Variants in FBN3 observed in about 807,000 individuals in gnomAD.
The protein encoded by FBN3 is fibrillin 3.
FBN3 carries 234 observed loss-of-function variants against 330.1 expected under a neutral mutation model. The observed-to-expected ratio is 0.71, with a 90% CI of 0.64 to 0.79. The LOEUF (loss-of-function observed/expected upper bound fraction) is 0.79, where lower values mean the gene tolerates loss of function less well. Ranked by LOEUF, FBN3 falls within the 30% of genes least tolerant of loss-of-function variation. The pLI is 0.00. For synonymous variants in FBN3, 1,458 were observed against 1,517.3 expected (o/e 0.96, Z 0.91); for missense variants, 3,606 against 3,886.9 (o/e 0.93, Z 1.92).
At chr19:8,106,076 C>G (rs201004099) in intron 38 of FBN3, 32 bp downstream of exon 38, 9 of 1,612,540 alleles carry the variant, frequency 5.6e-6, no homozygotes, top group Non-Finnish European at 7.6e-6. Context: ...AGCGGAAGAG[C>G]CTGACCCACC....
intron 18 of FBN3, among the ~76,000 whole-genome samples, chr19:8,127,775 G>A (rs62123266): frequency 0.073 from 11,117 of 152,300 alleles, 508 homozygotes; most frequent in Non-Finnish European, 0.1. Flanking sequence ...CTGAGGTCAG[G>A]AGTTCGAGAC....
At chr19:8,134,512 C>T (rs1313142652) in intron 13 of FBN3, among the ~76,000 whole-genome samples, 3 of 152,128 alleles carry the variant, frequency 2.0e-5, no homozygotes, top group East Asian at 1.9e-4. Flanking sequence ...CCCCAGGGCC[C>T]CTCCCTGGGG....
Position 8,065,945 on chromosome 19 carries a change from G to T in FBN3, c.8404C>A (p.Leu2802Met). 2 of 1,597,602 alleles carry T rather than the reference G, an allele frequency of 1.3e-6. No homozygotes were observed. The highest frequency in any genetic ancestry group is 2.2e-5 in the South Asian group (2 of 89,870). The change falls in exon 64 of 64, where the codon CTG becomes ATG. Residue 2802 changes from leucine (L) to methionine (M), a missense_variant. Leu to Met is a conservative substitution (Grantham distance 15). Coordinates refer to ENST00000600128, the MANE Select transcript of FBN3 (RefSeq NM_032447.5). ...QPGPWGQALR[L>M]KVQLQLL ...TAAAGCAACTGCAGCTGCACCTTCAGCCTCAAGGCCTGGCCCCATGGCCCT... is the reference window on the plus strand; with the variant it reads ...TAAAGCAACTGCAGCTGCACCTTCATCCTCAAGGCCTGGCCCCATGGCCCT...
intron 41 of FBN3, among the ~76,000 whole-genome samples, chr19:8,098,412 C>T (rs11260053): frequency 0.45 from 61,177 of 136,980 alleles, 14,601 homozygotes; most frequent in East Asian, 0.77. Context: ...ACAACCTAAA[C>T]AGGCATCAGT....
At position 8,072,042 on chromosome 19, in the gene FBN3, T is replaced by C. The variant is rs759860408; in HGVS notation, c.8088+6A>G. ...CCACCCCTGCCTAGTGCAGCACCCATGTCACCTGGTGGTCCCTGTGGGCAC... is the reference window on the plus strand; with the variant it reads ...CCACCCCTGCCTAGTGCAGCACCCACGTCACCTGGTGGTCCCTGTGGGCAC... On this transcript the variant is annotated splice_donor_region_variant and intron_variant, in intron 63 of 63. Coordinates refer to ENST00000600128, the MANE Select transcript of FBN3 (RefSeq NM_032447.5). 1.2e-6 allele frequency: 2 copies of C among 1,610,684 alleles called. No homozygotes were observed. The highest frequency in any genetic ancestry group is 3.3e-5 in the Admixed American group (2 of 59,870).
chr19:8,088,217 G>T, intron 51 of FBN3, 38 bp from the exon 52 acceptor site: 1 of 1,552,594 alleles, frequency 6.4e-7, no homozygotes, highest in Non-Finnish European at 8.7e-7. Flanking sequence ...ACCTGCAGAG[G>T]GTCCCCCATC....
At position 8,079,645 on chromosome 19, in the gene FBN3, C is replaced by T. The variant is rs149269372; in HGVS notation, c.7453+1358G>A. Among the ~76,000 whole-genome samples, 24 of 152,232 alleles carry T rather than the reference C, an allele frequency of 1.6e-4. No homozygotes were observed. The East Asian group carries it at 3.7e-3, about 23-fold the overall frequency. ...GACAGAGTCTTGCTGTGTCTGAGTG[C>T]ACTGGCACGATCTCGGCTCACTGCA... On this transcript the variant is annotated intron_variant, in intron 59 of 63. Coordinates refer to ENST00000600128, the MANE Select transcript of FBN3 (RefSeq NM_032447.5).
chr19:8,135,999 G>C lies in FBN3; in HGVS notation c.1553C>G (p.Ala518Gly). The C allele has an allele frequency of 7.0e-7, 1 of 1,420,236 alleles. No homozygotes were observed. The highest frequency in any genetic ancestry group is 9.4e-7 in the Non-Finnish European group (1 of 1,064,370). The allele number at this position is 1,420,236 out of a possible 1,614,324, so 88.0% of individuals were successfully genotyped here. ...TEGSFQCVCN[A>G]GFELSPDGKN... Reference sequence around the variant, plus strand: ...GCCGTCAGGGCTGAGCTCGAAGCCTGCATTGCAGACACACTGGAAGCTGCC... The same window carrying C: ...GCCGTCAGGGCTGAGCTCGAAGCCTCCATTGCAGACACACTGGAAGCTGCC... Residue 518 changes from alanine (A) to glycine (G), a missense_variant, in exon 13 of 64, where the codon GCA (alanine) becomes GGA (glycine). Coordinates refer to ENST00000600128, the MANE Select transcript of FBN3 (RefSeq NM_032447.5).
intron 25 of FBN3, among the ~76,000 whole-genome samples, chr19:8,119,545 G>T (rs915279878): frequency 6.6e-6 from 1 of 151,990 alleles, no homozygotes; most frequent in Admixed American, 6.6e-5. Flanking sequence ...ATGGAGTCTC[G>T]CTCTGTTGCC....
intron 13 of FBN3, 25 bp downstream of exon 13, chr19:8,135,936 G>GGCACCCCCCCCCCCCCCC: frequency 1.5e-6 from 1 of 668,778 alleles, no homozygotes; most frequent in Non-Finnish European, 2.4e-6. Context: ...GGAAGCCCCT[G>GGCACCCCCCCCCCCCCCC]CCCACCCGCC....
Position 8,087,903 on chromosome 19 carries a change from A to G in FBN3, c.6541T>C (p.Cys2181Arg). The change falls in exon 53 of 64, where the codon TGC becomes CGC. Residue 2181 changes from cysteine to arginine, a missense_variant. Cys to Arg is a radical substitution (Grantham distance 180). Transcript: ENST00000600128. ...AGGTAGGAGCCCTCGGTATTGTGGC[A>G]GCGGAAGGCACAGAGCAGCGGGTTC... ...SLNPLLCAFR[C>R]HNTEGSYLCT... The G allele has an allele frequency of 2.5e-6, 4 of 1,614,102 alleles. No individual in the cohort carries two copies. The highest frequency in any genetic ancestry group is 3.4e-6 in the Non-Finnish European group (4 of 1,180,008).
At chr19:8,077,987 G>A (rs1405347472) in intron 59 of FBN3, among the ~76,000 whole-genome samples, 2 of 151,714 alleles carry the variant, frequency 1.3e-5, no homozygotes, top group Admixed American at 6.6e-5. Context: ...TGAGGCAGGA[G>A]GATCGCTTGA....
chr19:8,090,480 G>A (rs76506353), intron 48 of FBN3, among the ~76,000 whole-genome samples: 18,375 of 134,578 alleles, frequency 0.14, 1,192 homozygotes, highest in African/African-American at 0.18. Flanking sequence ...TGTTGGTGGT[G>A]GTGGTGGTTT....
rs370169469 is a variant in FBN3, at chr19:8,136,324, C to A, written c.1346-15G>T. 1 of 1,602,562 alleles carries A rather than the reference C, an allele frequency of 6.2e-7. No homozygotes were observed. Among genetic ancestry groups the A allele is most frequent in the South Asian group, 1.1e-5 (1 of 89,848 alleles). ...TTCGTCTACATCTGAGGGGAGAGGACCCTGAGCCCTAGCACGAGCAGGGCA... is the reference window on the plus strand; with the variant it reads ...TTCGTCTACATCTGAGGGGAGAGGAACCTGAGCCCTAGCACGAGCAGGGCA... On this transcript the variant is annotated splice_polypyrimidine_tract_variant and intron_variant, in intron 11 of 63. Coordinates refer to ENST00000600128, the MANE Select transcript of FBN3 (RefSeq NM_032447.5).
intron 30 of FBN3, among the ~76,000 whole-genome samples, chr19:8,112,380 C>G (rs1318961308): frequency 1.3e-5 from 2 of 152,186 alleles, no homozygotes; most frequent in Non-Finnish European, 2.9e-5. Context: ...GGTGCGGTGG[C>G]TCACGCCTGT....
At position 8,087,110 on chromosome 19, in the gene FBN3, G is replaced by A. The variant is rs372530229; in HGVS notation, c.6721C>T (p.Arg2241Trp). 17 of 1,609,384 alleles carry A rather than the reference G, an allele frequency of 1.1e-5. No homozygotes were observed. The highest frequency in any genetic ancestry group is 9.0e-5 in the East Asian group (4 of 44,624). ...CCCTCCCCAGAGCCAGGCAGGGGCC[G>A]CATGCCTGGGGGACAGACGCACGCG... is the stretch of plus-strand genomic sequence containing the variant. ...TFACVCPPGM[R>W]PLPGSGEGCT... is the part of the protein sequence containing the mutation. The change falls in exon 54 of 64, where the codon CGG becomes TGG. Residue 2241 changes from arginine to tryptophan, a missense_variant. By Grantham distance (101) the Arg-to-Trp change is moderately radical. Transcript: ENST00000600128.
chr19:8,133,584 G>A (rs1247816308), intron 13 of FBN3, among the ~76,000 whole-genome samples: 2 of 152,014 alleles, frequency 1.3e-5, no homozygotes, highest in African/African-American at 4.8e-5. Flanking sequence ...CTGAGTAGCT[G>A]GGATTACAGG....
At position 8,136,943 on chromosome 19, in the gene FBN3, TG is replaced by T. The variant is rs1306570167; in HGVS notation, c.1202-413del. ...AACCTGGGCCTGGATCCCTCCAACC[TG>T]GGGTCTAGATACCTCCAACCTGGGG... On this transcript the variant is annotated intron_variant, in intron 10 of 63. Transcript: ENST00000600128. 4.6e-3 allele frequency among the ~76,000 whole-genome samples: 422 copies of T among 91,346 alleles called. 2 individuals carry two copies. Among genetic ancestry groups the T allele is most frequent in the African/African-American group, 7.6e-3 (153 of 20,256 alleles). 59.9% of individuals were successfully genotyped at this position (91,346 alleles called of 152,430 possible). A position where few individuals can be genotyped will look rare whatever the true frequency, so the allele number is the denominator to read the frequency against.
At chr19:8,143,874 G>A (rs1393218666) in intron 6 of FBN3, among the ~76,000 whole-genome samples, 1 of 149,552 alleles carries the variant, frequency 6.7e-6, no homozygotes. Flanking sequence ...CTGGAATGCA[G>A]TGGCACCACC....
Sources: gnomAD v4.1 joint callset for allele counts (sites outside exome capture counted in the v4.1 genomes callset) on GRCh38, gnomAD v4.1.1 for gene constraint, MANE v1.5 for transcripts, NCBI Gene and HGNC (gene_info 2026-07-23, HGNC 2026-07-21) for gene names.